Variants in DLG2 observed in about 807,000 individuals in gnomAD.
The protein encoded by DLG2 is discs large MAGUK scaffold protein 2.
In DLG2, 45 loss-of-function variants were observed where a neutral mutation model predicts 132.5. The observed-to-expected ratio is 0.34, with a 90% CI of 0.27 to 0.44. The LOEUF is 0.44. Among genes scored for constraint, DLG2 ranks in the 20% least tolerant of loss-of-function variants. DLG2 has a pLI of 1.00. For missense variants in DLG2, 1,045 were observed against 1,196.9 expected (o/e 0.87, Z 1.87); for synonymous variants, 424 against 419.6 (o/e 1.01, Z -0.13).
intron 7 of DLG2, among the ~76,000 whole-genome samples, chr11:84,469,201 A>G (rs187612449): frequency 4.3e-4 from 65 of 151,820 alleles, no homozygotes; most frequent in Non-Finnish European, 7.8e-4. Context: ...AGGTTTAGGA[A>G]GATTAATCTG....
chr11:84,218,986 T>C (rs2096877350), intron 8 of DLG2, among the ~76,000 whole-genome samples: 2 of 152,212 alleles, frequency 1.3e-5, no homozygotes, highest in South Asian at 2.1e-4. Context: ...TTATGGCAGC[T>C]ATTGGTACCT....
intron 21 of DLG2, among the ~76,000 whole-genome samples, chr11:83,485,508 C>T (rs1414131821): frequency 6.6e-6 from 1 of 152,092 alleles, no homozygotes; most frequent in Non-Finnish European, 1.5e-5. Flanking sequence ...AAATCACTCC[C>T]CAAGGATCAA....
intron 18 of DLG2, among the ~76,000 whole-genome samples, chr11:83,775,096 C>A (rs973209125): frequency 2.0e-5 from 3 of 152,206 alleles, no homozygotes; most frequent in African/African-American, 7.2e-5. Flanking sequence ...CTACTCCAAG[C>A]CGCTACTGTC....
At chr11:83,974,260 C>T (rs987717816) in intron 12 of DLG2, among the ~76,000 whole-genome samples, 1 of 152,010 alleles carries the variant, frequency 6.6e-6, no homozygotes, top group African/African-American at 2.4e-5. Context: ...TGGATGAAAT[C>T]AGGCAATTTT....
At chr11:84,715,047 G>A (rs898449310) in intron 6 of DLG2, among the ~76,000 whole-genome samples, 5 of 151,888 alleles carry the variant, frequency 3.3e-5, no homozygotes, top group Non-Finnish European at 4.4e-5. Flanking sequence ...GAGGGTTAGG[G>A]CAGTTACAAA....
At chr11:85,379,028 A>C (rs1056742732) in intron 3 of DLG2, among the ~76,000 whole-genome samples, 1 of 152,212 alleles carries the variant, frequency 6.6e-6, no homozygotes, top group Admixed American at 6.5e-5. Flanking sequence ...CAAAGCAAAT[A>C]ATACATAACT....
intron 17 of DLG2, among the ~76,000 whole-genome samples, chr11:83,821,672 C>T (rs572658776): frequency 2.6e-5 from 4 of 151,948 alleles, no homozygotes; most frequent in Admixed American, 6.6e-5. Flanking sequence ...CAAAACTCTT[C>T]GAATACAGCA....
intron 9 of DLG2, among the ~76,000 whole-genome samples, chr11:84,154,091 G>A (rs1000970590): frequency 6.6e-6 from 1 of 152,140 alleles, no homozygotes; most frequent in Non-Finnish European, 1.5e-5. Flanking sequence ...TCTGCCTCCT[G>A]GGTTTAAGCG....
rs541031321 is a variant in DLG2 at position 85,555,052 on chromosome 11, T to C, written c.40+43605A>G. 6.1e-4 allele frequency among the ~76,000 whole-genome samples: 93 copies of C among 151,904 alleles called. 4 individuals are homozygous for C. The highest frequency in any genetic ancestry group is 1.5e-4 in the Non-Finnish European group (10 of 67,880). ...AAGCCTCTGGGGAGATGGAGTTGAG[T>C]AGTAACTCCTGTCCTCCCACTTGGC... On this transcript the variant is annotated intron_variant, in intron 3 of 27. Transcript: ENST00000376104.
chr11:85,070,480 A>G (rs1254165671), intron 6 of DLG2, among the ~76,000 whole-genome samples: 1 of 151,794 alleles, frequency 6.6e-6, no homozygotes, highest in African/African-American at 2.4e-5. Flanking sequence ...TACTCGGTAC[A>G]TTCAGGTGAC....
At chr11:85,586,810 A>C (rs1232546338) in intron 3 of DLG2, among the ~76,000 whole-genome samples, 2 of 151,902 alleles carry the variant, frequency 1.3e-5, no homozygotes, top group Admixed American at 1.3e-4. Flanking sequence ...ATGCTCTTTC[A>C]GACTTTTTGA....
chr11:85,129,376 T>C (rs980077088), intron 5 of DLG2, among the ~76,000 whole-genome samples: 1 of 152,306 alleles, frequency 6.6e-6, no homozygotes, highest in East Asian at 1.9e-4. Flanking sequence ...CTGAGTTAAA[T>C]GGGGTAAGAT....
intron 6 of DLG2, among the ~76,000 whole-genome samples, chr11:84,730,095 G>T (rs547875457): frequency 1.3e-5 from 2 of 151,976 alleles, no homozygotes; most frequent in African/African-American, 4.8e-5. Context: ...ATTCTTAGTG[G>T]CAAAATTCAA....
intron 10 of DLG2, among the ~76,000 whole-genome samples, chr11:84,079,086 G>A (rs949497525): frequency 6.6e-6 from 1 of 152,108 alleles, no homozygotes; most frequent in Non-Finnish European, 1.5e-5. Flanking sequence ...GGACAAAGAG[G>A]ACACAGATGA....
At chr11:83,710,249 G>A (rs892889948) in intron 18 of DLG2, among the ~76,000 whole-genome samples, 1 of 151,406 alleles carries the variant, frequency 6.6e-6, no homozygotes, top group African/African-American at 2.4e-5. Flanking sequence ...TGCAATCTCC[G>A]CCTCCTGGAT....
intron 9 of DLG2, among the ~76,000 whole-genome samples, chr11:84,151,612 T>C (rs996300730): frequency 1.3e-5 from 2 of 152,204 alleles, no homozygotes; most frequent in Non-Finnish European, 2.9e-5. Flanking sequence ...TTCTTGTTTT[T>C]CTAGATCCTC....
chr11:83,653,084 T>C (rs2071123671), intron 18 of DLG2, among the ~76,000 whole-genome samples: 1 of 152,222 alleles, frequency 6.6e-6, no homozygotes, highest in Non-Finnish European at 1.5e-5. Flanking sequence ...CCCAATGCTG[T>C]ACGCAACTTC....
chr11:84,083,538 G>A (rs2096932675), intron 10 of DLG2, among the ~76,000 whole-genome samples: 2 of 152,118 alleles, frequency 1.3e-5, no homozygotes, highest in African/African-American at 4.8e-5. Context: ...CAGGTGATTG[G>A]GTCATTCGGG....
intron 19 of DLG2, among the ~76,000 whole-genome samples, chr11:83,594,657 G>C (rs919717619): frequency 4.6e-5 from 7 of 152,158 alleles, no homozygotes; most frequent in African/African-American, 1.7e-4. Flanking sequence ...CTTAGAAGAG[G>C]ATTTATAAAT....
Sources: gnomAD v4.1 joint callset for allele counts (sites outside exome capture counted in the v4.1 genomes callset) on GRCh38, gnomAD v4.1.1 for gene constraint, MANE v1.5 for transcripts, NCBI Gene and HGNC (gene_info 2026-07-23, HGNC 2026-07-21) for gene names.